Variants in SCN11A observed in about 807,000 individuals in gnomAD.
SCN11A encodes the protein sodium channel protein type 11 subunit alpha.
In SCN11A, 122 loss-of-function variants were observed where a neutral mutation model predicts 162.2. The observed-to-expected ratio is 0.75, with a 90% confidence interval of 0.65 to 0.87. The LOEUF (loss-of-function observed/expected upper bound fraction) is 0.87. SCN11A is among the 40% of genes least tolerant of loss of function. The pLI, the probability that SCN11A is intolerant of heterozygous loss-of-function variation, is 0.00. For missense variants in SCN11A, 2,015 were observed against 2,181.6 expected (o/e 0.92, Z 1.52); for synonymous variants, 758 against 751.5 (o/e 1.01, Z -0.14).
chr3:38,968,450 A>C (rs188675550), intron 2 of SCN11A, among the ~76,000 whole-genome samples: 15 of 152,338 alleles, frequency 9.8e-5, no homozygotes, highest in Non-Finnish European at 2.9e-5. Context: ...CATTATAGCA[A>C]TGTTTTAAAA....
At chr3:39,001,208 A>G (rs1206893955) in intron 2 of SCN11A, among the ~76,000 whole-genome samples, 1 of 152,196 alleles carries the variant, frequency 6.6e-6, no homozygotes, top group Non-Finnish European at 1.5e-5. Context: ...TTGTGCAACC[A>G]TCACCACTTT....
chr3:38,931,074 G>A (rs1056773863), intron 7 of SCN11A, among the ~76,000 whole-genome samples: 1 of 152,152 alleles, frequency 6.6e-6, no homozygotes, highest in Non-Finnish European at 1.5e-5. Context: ...CCTCATCAAA[G>A]GCTTCCAGGG....
At chr3:38,956,718 A>C (rs1300888657) in intron 3 of SCN11A, among the ~76,000 whole-genome samples, 1 of 152,174 alleles carries the variant, frequency 6.6e-6, no homozygotes, top group African/African-American at 2.4e-5. Context: ...AATCATCCTA[A>C]AGATAAAGCA....
chr3:38,921,868 A>G (rs568049075), intron 9 of SCN11A, among the ~76,000 whole-genome samples: 17 of 152,330 alleles, frequency 1.1e-4, no homozygotes, highest in African/African-American at 4.1e-4. Flanking sequence ...TAAGCTGCCA[A>G]AGTTACAAAA....
intron 3 of SCN11A, among the ~76,000 whole-genome samples, chr3:38,959,271 C>T (rs1386835577): frequency 6.6e-6 from 1 of 152,172 alleles, no homozygotes; most frequent in Non-Finnish European, 1.5e-5. Flanking sequence ...GACATTAGGT[C>T]TTACAGAAAT....
intron 28 of SCN11A, among the ~76,000 whole-genome samples, chr3:38,857,672 T>C (rs2064892445): frequency 6.6e-6 from 1 of 152,030 alleles, no homozygotes; most frequent in African/African-American, 2.4e-5. Context: ...CACAAAAAGA[T>C]TATCACCTAG....
intron 19 of SCN11A, among the ~76,000 whole-genome samples, chr3:38,892,870 T>TA (rs2065522759): frequency 6.6e-6 from 1 of 152,006 alleles, no homozygotes; most frequent in African/African-American, 2.4e-5. Context: ...TTCAAAAAGA[T>TA]TTTGAAAAAA....
intron 2 of SCN11A, among the ~76,000 whole-genome samples, chr3:39,028,360 T>C (rs1054743750): frequency 8.5e-4 from 130 of 152,264 alleles, no homozygotes; most frequent in African/African-American, 3.0e-3. Flanking sequence ...GTTCTGACAC[T>C]GTTAATATCC....
chr3:38,924,698 G>A (rs888027121), intron 9 of SCN11A, among the ~76,000 whole-genome samples: 1 of 151,960 alleles, frequency 6.6e-6, no homozygotes, highest in Non-Finnish European at 1.5e-5. Context: ...TTGTAGAGAC[G>A]AGGCTTTTCC....
At chr3:39,002,758 T>A (rs2030855423) in intron 2 of SCN11A, among the ~76,000 whole-genome samples, 1 of 152,232 alleles carries the variant, frequency 6.6e-6, no homozygotes, top group Non-Finnish European at 1.5e-5. Flanking sequence ...CCTTAAATGC[T>A]CTTCTGTAAT....
chr3:39,051,895 C>A lies in SCN11A; in HGVS notation c.-438G>T. 1 of 1,120,046 alleles carries A rather than the reference C, an allele frequency of 8.9e-7. No homozygotes were observed. Among genetic ancestry groups the A allele is most frequent in the Non-Finnish European group, 1.3e-6 (1 of 761,648 alleles). The allele number at this position is 1,120,046 out of a possible 1,614,324, so 69.4% of individuals were successfully genotyped here. ...TGGCTACCGGCCACACAGCAACTAA[C>A]AGCACCGAGGAAACACAACAGCCTG... On this transcript the variant is annotated 5_prime_UTR_variant, in exon 1 of 30. Transcript: ENST00000302328.
chr3:38,846,387 C>T lies in SCN11A; in HGVS notation c.*307G>A, dbSNP rs778870099. On this transcript the variant is annotated 3_prime_UTR_variant, in exon 30 of 30. Coordinates refer to ENST00000302328, the MANE Select transcript of SCN11A (RefSeq NM_001349253.2). ...TTGGCCTCTCAAAGTGCTGGGATTA[C>T]AGGCATGAGCCACTGCGCCCGGCCT... 4 of 284,558 alleles carry T rather than the reference C, an allele frequency of 1.4e-5. No individual in the cohort carries two copies. The highest frequency in any genetic ancestry group is 2.7e-5 in the Non-Finnish European group (4 of 149,612). 17.6% of individuals were successfully genotyped at this position (284,558 alleles called of 1,614,324 possible).
intron 2 of SCN11A, among the ~76,000 whole-genome samples, chr3:39,016,467 C>A (rs190330061): frequency 2.4e-5 from 3 of 125,622 alleles, no homozygotes. Context: ...CACCTGGCAT[C>A]ATTTTCCTAT....
chr3:38,968,637 C>T (rs546993689), intron 2 of SCN11A, among the ~76,000 whole-genome samples: 330 of 152,266 alleles, frequency 2.2e-3, no homozygotes, highest in African/African-American at 7.5e-3. Flanking sequence ...CATGTGCACA[C>T]GCATACATAT....
rs1575284226 is a variant in SCN11A at position 38,913,346 on chromosome 3, A to G, written c.960-3139T>C. 2.0e-5 allele frequency among the ~76,000 whole-genome samples: 3 copies of G among 152,182 alleles called. No individual in the cohort carries two copies. The South Asian group carries it at 6.2e-4, about 32-fold the overall frequency. ...CAGTGGAGTTGTTTTCTTATTGTAA[A>G]TTTAATTTCCTTATAGATGCTGAAT... On this transcript the variant is annotated intron_variant, in intron 11 of 29. Coordinates refer to ENST00000302328, the MANE Select transcript of SCN11A (RefSeq NM_001349253.2).
At chr3:38,958,399 C>T (rs1334074379) in intron 3 of SCN11A, among the ~76,000 whole-genome samples, 1 of 152,222 alleles carries the variant, frequency 6.6e-6, no homozygotes, top group Non-Finnish European at 1.5e-5. Context: ...GTAATGGCAC[C>T]TCACTCTCAC....
chr3:38,946,865 T>G lies in SCN11A; in HGVS notation c.310A>C (p.Ser104Arg). 6.2e-7 allele frequency: 1 copy of G among 1,613,920 alleles called. No individual in the cohort carries two copies. The highest frequency in any genetic ancestry group is 8.5e-7 in the Non-Finnish European group (1 of 1,179,928). Reference protein sequence around the residue: ...LNRKRTIYRFSAKHALFIFGP... With the variant: ...LNRKRTIYRFRAKHALFIFGP... ...AAAATGAACAAGGCATGCTTGGCAC[T>G]GAAGCGGTAGATTGTCCTCTTTCTG... Residue 104 changes from serine to arginine, a missense_variant, in exon 6 of 30, where the codon AGT becomes CGT. Ser to Arg is a moderately radical substitution (Grantham distance 110). Transcript: ENST00000302328.
chr3:39,003,149 T>G (rs550189877), intron 2 of SCN11A, among the ~76,000 whole-genome samples: 2 of 152,310 alleles, frequency 1.3e-5, no homozygotes, highest in South Asian at 4.1e-4. Flanking sequence ...CAGTACCGAA[T>G]AGCTATCATT....
intron 1 of SCN11A, among the ~76,000 whole-genome samples, chr3:39,050,060 T>C (rs146056610): frequency 8.4e-4 from 128 of 152,364 alleles, no homozygotes; most frequent in Middle Eastern, 3.4e-3. Flanking sequence ...AGGTGCTCAA[T>C]AGACACTTAA....
Sources: gnomAD v4.1 joint callset for allele counts (sites outside exome capture counted in the v4.1 genomes callset) on GRCh38, gnomAD v4.1.1 for gene constraint, MANE v1.5 for transcripts, NCBI Gene and HGNC (gene_info 2026-07-23, HGNC 2026-07-21) for gene names.